MARVELD3: variants seen among roughly 807,000 people sequenced by gnomAD.
The protein encoded by MARVELD3 is MARVEL domain containing 3.
MARVELD3 carries 28 observed loss-of-function variants against 33.5 expected under a neutral mutation model. That is an observed-to-expected ratio of 0.84 (90% CI 0.62 to 1.15). MARVELD3 has a LOEUF of 1.15. Ranked by LOEUF, MARVELD3 falls within the 50% of genes most tolerant of loss-of-function variation. MARVELD3 has a pLI of 0.00. For synonymous variants in MARVELD3, 241 were observed against 230.4 expected, an observed-to-expected ratio of 1.05 and a Z score of -0.42; for missense variants, 582 against 547.6, an observed-to-expected ratio of 1.06 and a Z score of -0.63.
rs762681501 is a variant in MARVELD3, at chr16:71,635,784, T to G, written c.*981T>G. 27 of 985,184 alleles carry G rather than the reference T, an allele frequency of 2.7e-5. No individual in the cohort carries two copies. The highest frequency in any genetic ancestry group is 3.3e-5 in the Non-Finnish European group (27 of 829,914). The allele number at this position is 985,184 out of a possible 1,614,324, so 61.0% of individuals were successfully genotyped here. On this transcript the variant is annotated 3_prime_UTR_variant, in exon 3 of 3. Coordinates refer to ENST00000268485, the MANE Select transcript of MARVELD3 (RefSeq NM_052858.6). ...TGCAAATGGAGGGGGTGGGGACTCT[T>G]GGGAAACTACTCCTGTAAAATTGAA...
chr16:71,629,122 G>A, intron 1 of MARVELD3: 1 of 442,450 alleles, frequency 2.3e-6, no homozygotes, highest in African/African-American at 2.1e-5. Flanking sequence ...ACAGCTCCCA[G>A]GGGCAGACAA....
At chr16:71,636,741 C>T (rs1326075894), downstream of MARVELD3, among the ~76,000 whole-genome samples, 1 of 152,126 alleles carries the variant, frequency 6.6e-6, no homozygotes, top group Non-Finnish European at 1.5e-5. Flanking sequence ...CAGGCCCGTG[C>T]CACTGTGCCT....
intron 2 of MARVELD3, among the ~76,000 whole-genome samples, chr16:71,633,291 G>A (rs2044550046): frequency 6.6e-6 from 1 of 152,112 alleles, no homozygotes. Context: ...GAGCCTGGGA[G>A]GTCAAGGCTA....
intron 1 of MARVELD3, among the ~76,000 whole-genome samples, chr16:71,628,546 A>C (rs904935984): frequency 2.0e-5 from 3 of 151,866 alleles, no homozygotes; most frequent in South Asian, 2.1e-4. Flanking sequence ...CAAAACAAAA[A>C]AAAAAAAAGG....
rs565404190 is a variant in MARVELD3 at position 71,636,395 on chromosome 16, G to T, written c.*1592G>T. ...TTAAGTTTTGCTTTTGAAGAGAAGG[G>T]GACTTTTCATTTATACATGGCTTGA... On this transcript the variant is annotated 3_prime_UTR_variant, in exon 3 of 3. Transcript: ENST00000268485. 6.4e-6 allele frequency: 1 copy of T among 155,360 alleles called. No homozygotes were observed. The highest frequency in any genetic ancestry group is 2.4e-5 in the African/African-American group (1 of 41,444). The allele number at this position is 155,360 out of a possible 1,614,324, so 9.6% of individuals were successfully genotyped here.
intron 2 of MARVELD3, among the ~76,000 whole-genome samples, chr16:71,633,318 T>C (rs2044550305): frequency 6.6e-6 from 1 of 152,164 alleles, no homozygotes; most frequent in Admixed American, 6.5e-5. Flanking sequence ...GCTGTGATTG[T>C]GCCACTGTAC....
Position 71,634,926 on chromosome 16 carries a change from T to C in MARVELD3, c.*123T>C, listed in dbSNP as rs1003539952. 7.5e-6 allele frequency: 11 copies of C among 1,465,468 alleles called. No individual in the cohort carries two copies. The African/African-American group carries it at 1.4e-4, about 19-fold the overall frequency. The allele number at this position is 1,465,468 out of a possible 1,614,324, so 90.8% of individuals were successfully genotyped here. A position where few individuals can be genotyped will look rare whatever the true frequency, so the allele number is the denominator to read the frequency against. ...TGGAAAAGCAGCGAGCCAGCGTTGG[T>C]GTGGTGGGCGGAGCTCCCAGTCGCA... On this transcript the variant is annotated 3_prime_UTR_variant, in exon 3 of 3. Transcript: ENST00000268485.
chr16:71,640,336 G>A, downstream of MARVELD3: 4 of 1,586,150 alleles, frequency 2.5e-6, no homozygotes, highest in South Asian at 3.5e-5. Context: ...TATGTCTCTG[G>A]CTTGGCCTGG....
downstream of MARVELD3, chr16:71,640,978 C>T (rs200621755): frequency 6.2e-7 from 1 of 1,613,246 alleles, no homozygotes; most frequent in East Asian, 2.2e-5. Flanking sequence ...CGAGAACAGC[C>T]CGGAAGTTAC....
chr16:71,640,863 G>T, downstream of MARVELD3: 1 of 1,614,144 alleles, frequency 6.2e-7, no homozygotes. Context: ...GGCAGGCACC[G>T]ACGGAGCAGC....
chr16:71,640,714 G>T, downstream of MARVELD3: 1 of 1,614,242 alleles, frequency 6.2e-7, no homozygotes, highest in Non-Finnish European at 8.5e-7. Flanking sequence ...GCCGCCTTCA[G>T]CCTCCTAGCG....
Position 71,635,252 on chromosome 16 carries a change from C to A in MARVELD3, c.*449C>A. 1.1e-6 allele frequency: 1 copy of A among 879,530 alleles called. No homozygotes were observed. Among genetic ancestry groups the A allele is most frequent in the Non-Finnish European group, 1.4e-6 (1 of 733,638 alleles). The allele number at this position is 879,530 out of a possible 1,614,324, so 54.5% of individuals were successfully genotyped here. A position where few individuals can be genotyped will look rare whatever the true frequency, so the allele number is the denominator to read the frequency against. ...GCTGAGGCAGGAGAATCGCTTGAAT[C>A]TGGGAGGCGGAGATTGCAGTGAGCC... On this transcript the variant is annotated 3_prime_UTR_variant, in exon 3 of 3. Transcript: ENST00000268485.
chr16:71,639,818 G>A (rs75002810), downstream of MARVELD3, among the ~76,000 whole-genome samples: 188 of 152,260 alleles, frequency 1.2e-3, 2 homozygotes, highest in Admixed American at 0.01. Flanking sequence ...TGTAACCAGA[G>A]TCACCCACTG....
intron 2 of MARVELD3, 54 bp from the exon 3 acceptor site, chr16:71,634,139 G>C: frequency 6.4e-7 from 1 of 1,555,204 alleles, no homozygotes; most frequent in Non-Finnish European, 8.7e-7. Flanking sequence ...AGGTGGAAGA[G>C]TCTCCTGGTG....
Position 71,634,913 on chromosome 16 carries a change from G to C in MARVELD3, c.*110G>C. 1 of 1,484,464 alleles carries C rather than the reference G, an allele frequency of 6.7e-7. No homozygotes were observed. The highest frequency in any genetic ancestry group is 8.9e-7 in the Non-Finnish European group (1 of 1,121,994). 92.0% of individuals were successfully genotyped at this position (1,484,464 alleles called of 1,614,324 possible). On this transcript the variant is annotated 3_prime_UTR_variant, in exon 3 of 3. Coordinates refer to ENST00000268485, the MANE Select transcript of MARVELD3 (RefSeq NM_052858.6). ...AAGTTTCCAGTGCTGGAAAAGCAGC[G>C]AGCCAGCGTTGGTGTGGTGGGCGGA... is the stretch of plus-strand genomic sequence containing the variant.
At chr16:71,633,822 C>T (rs1027109002) in intron 2 of MARVELD3, among the ~76,000 whole-genome samples, 2 of 152,020 alleles carry the variant, frequency 1.3e-5, no homozygotes, top group Non-Finnish European at 2.9e-5. Context: ...CAGGCGTGAG[C>T]CACCTCGCCC....
chr16:71,629,310 C>T (rs1173092813), intron 1 of MARVELD3, 57 bp from the exon 2 acceptor site: 3 of 1,496,198 alleles, frequency 2.0e-6, no homozygotes, highest in Non-Finnish European at 2.6e-6. Context: ...GAGTTCTAAT[C>T]CTGAACGCTA....
chr16:71,628,714 G>A (rs762900252), intron 1 of MARVELD3, among the ~76,000 whole-genome samples: 3 of 151,892 alleles, frequency 2.0e-5, no homozygotes, highest in Non-Finnish European at 4.4e-5. Flanking sequence ...GATGAACAGG[G>A]GCCTCCTGTG....
At chr16:71,634,092 C>T (rs1030241672) in intron 2 of MARVELD3, 101 bp from the exon 3 acceptor site, 1 of 1,514,250 alleles carries the variant, frequency 6.6e-7, no homozygotes, top group Non-Finnish European at 8.8e-7. Context: ...GGCCAGAAGC[C>T]TTCAGGGGTC....
Sources: gnomAD v4.1 joint callset for allele counts (sites outside exome capture counted in the v4.1 genomes callset) on GRCh38, gnomAD v4.1.1 for gene constraint, MANE v1.5 for transcripts, NCBI Gene and HGNC (gene_info 2026-07-23, HGNC 2026-07-21) for gene names.